Variants in XIRP2 observed in about 807,000 individuals in gnomAD.
The protein encoded by XIRP2 is xin actin binding repeat containing 2, also known as xin actin-binding repeat-containing protein 2.
A neutral mutation model predicts 277.0 loss-of-function variants in XIRP2; 236 were observed. The observed-to-expected ratio is 0.85, with a 90% CI of 0.77 to 0.95. The LOEUF is 0.95. XIRP2 is among the 40% of genes least tolerant of loss of function. XIRP2 has a pLI of 0.00. For missense variants in XIRP2, 4,640 were observed against 4,157.5 expected, an observed-to-expected ratio of 1.12 and a Z score of -3.19; for synonymous variants, 1,490 against 1,416.5, an observed-to-expected ratio of 1.05 and a Z score of -1.17.
intron 3 of XIRP2, among the ~76,000 whole-genome samples, chr2:167,144,997 TG>T (rs1480400145): frequency 2.6e-5 from 4 of 152,210 alleles, no homozygotes; most frequent in African/African-American, 9.6e-5. Flanking sequence ...TGGTTTGCTG[TG>T]GATATTTGAA....
At chr2:167,152,345 C>A in intron 3 of XIRP2, among the ~76,000 whole-genome samples, 1 of 151,936 alleles carries the variant, frequency 6.6e-6, no homozygotes, top group Non-Finnish European at 1.5e-5. Context: ...CCCCCCGCCC[C>A]CAGTTTACTA....
chr2:167,082,718 T>C (rs1305416877), intron 2 of XIRP2, among the ~76,000 whole-genome samples: 3 of 151,706 alleles, frequency 2.0e-5, no homozygotes, highest in East Asian at 1.9e-4. Flanking sequence ...TTTTCATGTG[T>C]TTTTTGGCTG....
chr2:166,918,346 C>T (rs530681284), intron 2 of XIRP2, among the ~76,000 whole-genome samples: 1 of 152,084 alleles, frequency 6.6e-6, no homozygotes, highest in South Asian at 2.1e-4. Flanking sequence ...CAGTTAAAGA[C>T]CAAAATTTTC....
intron 2 of XIRP2, among the ~76,000 whole-genome samples, chr2:166,967,322 TC>T (rs1281773183): frequency 1.3e-5 from 2 of 151,948 alleles, no homozygotes; most frequent in Non-Finnish European, 2.9e-5. Flanking sequence ...CTTCTCCTTC[TC>T]AAGCTCCTTG....
chr2:167,130,817 C>T (rs186251372), intron 2 of XIRP2, among the ~76,000 whole-genome samples: 79 of 152,112 alleles, frequency 5.2e-4, no homozygotes, highest in Middle Eastern at 3.4e-3. Context: ...CTCACAAAAC[C>T]GCTCCCTGGC....
intron 2 of XIRP2, 35 bp from the exon 3 acceptor site, chr2:167,135,874 C>G: frequency 1.3e-6 from 2 of 1,537,320 alleles, no homozygotes; most frequent in Non-Finnish European, 1.7e-6. Context: ...CTACTGATAG[C>G]TTTTAACATA....
intron 2 of XIRP2, among the ~76,000 whole-genome samples, chr2:166,936,486 C>T (rs1434232345): frequency 1.3e-5 from 2 of 152,132 alleles, no homozygotes; most frequent in African/African-American, 4.8e-5. Context: ...AAGTCCTTGC[C>T]CATGCCTATG....
chr2:167,045,760 C>T (rs531938845), intron 2 of XIRP2, among the ~76,000 whole-genome samples: 1 of 152,058 alleles, frequency 6.6e-6, no homozygotes, highest in South Asian at 2.1e-4. Flanking sequence ...AAATGGAAGA[C>T]TTATACACTG....
chr2:167,098,114 G>T (rs1279642254), intron 2 of XIRP2, among the ~76,000 whole-genome samples: 2 of 152,142 alleles, frequency 1.3e-5, no homozygotes, highest in Non-Finnish European at 2.9e-5. Context: ...GGTTGGGGAG[G>T]TTCTCGTGGA....
At chr2:166,946,612 T>C (rs192784756) in intron 2 of XIRP2, among the ~76,000 whole-genome samples, 87 of 152,218 alleles carry the variant, frequency 5.7e-4, no homozygotes, top group African/African-American at 2.0e-3. Context: ...GGTTTTTTAA[T>C]AAATATAGAC....
chr2:166,909,846 CT>C (rs2105344312), intron 2 of XIRP2, among the ~76,000 whole-genome samples: 1 of 152,264 alleles, frequency 6.6e-6, no homozygotes, highest in African/African-American at 2.4e-5. Context: ...TGTCAAAGGC[CT>C]TTTCTGCATC....
At chr2:167,158,782 A>G (rs928644130) in intron 3 of XIRP2, among the ~76,000 whole-genome samples, 1 of 152,222 alleles carries the variant, frequency 6.6e-6, no homozygotes, top group African/African-American at 2.4e-5. Flanking sequence ...TGCACTTGAT[A>G]GTTTTATCAG....
At chr2:167,128,841 G>A (rs192435852) in intron 2 of XIRP2, among the ~76,000 whole-genome samples, 4 of 152,170 alleles carry the variant, frequency 2.6e-5, no homozygotes, top group African/African-American at 9.6e-5. Flanking sequence ...ATTACACTAT[G>A]AGCTTCTTGA....
chr2:167,195,818 A>C (rs1693487741), intron 3 of XIRP2, among the ~76,000 whole-genome samples: 1 of 152,178 alleles, frequency 6.6e-6, no homozygotes, highest in Admixed American at 6.5e-5. Context: ...AAAGGCCAGA[A>C]ACAATTCAGA....
chr2:167,221,460 CAAAAAAAAAAAAAAAAA>C (rs57006710), intron 5 of XIRP2, among the ~76,000 whole-genome samples: 15 of 63,460 alleles, frequency 2.4e-4, no homozygotes, highest in African/African-American at 7.0e-4. Context: ...AACTCCATCT[CAAAAAAAAAAAAAAAAA>C]AAAAAAAAGG....
Position 167,258,091 on chromosome 2 carries a change from T to A in XIRP2, c.*274T>A, listed in dbSNP as rs745542866. The A allele has an allele frequency of 1.2e-6, 2 of 1,613,146 alleles. No individual in the cohort carries two copies. The highest frequency in any genetic ancestry group is 1.7e-6 in the Non-Finnish European group (2 of 1,179,542). ...CTGGAGATCGTAATGAACATTTAGA[T>A]GCTGGTAACAGTGAAGGGCAAAGGA... On this transcript the variant is annotated 3_prime_UTR_variant, in exon 11 of 11. Transcript: ENST00000409195.
intron 5 of XIRP2, among the ~76,000 whole-genome samples, chr2:167,239,015 A>T (rs1411861018): frequency 6.6e-6 from 1 of 152,180 alleles, no homozygotes; most frequent in Admixed American, 6.5e-5. Flanking sequence ...AACCAAAATT[A>T]AGAGTAGTTC....
intron 1 of XIRP2, among the ~76,000 whole-genome samples, chr2:166,896,230 C>T (rs1684238482): frequency 6.6e-6 from 1 of 152,086 alleles, no homozygotes; most frequent in Non-Finnish European, 1.5e-5. Flanking sequence ...TTAGAGCATA[C>T]TTTTTCTAAA....
intron 3 of XIRP2, chr2:167,187,619 G>C (rs1209000473): frequency 4.6e-6 from 4 of 863,414 alleles, no homozygotes; most frequent in Non-Finnish European, 5.6e-6. Context: ...GAAGACCATA[G>C]GTCAAATTGT....
Sources: gnomAD v4.1 joint callset for allele counts (sites outside exome capture counted in the v4.1 genomes callset) on GRCh38, gnomAD v4.1.1 for gene constraint, MANE v1.5 for transcripts, NCBI Gene and HGNC (gene_info 2026-07-23, HGNC 2026-07-21) for gene names.